The following UGT2A1 variants were observed in gnomAD, a reference collection of about 807,000 sequenced individuals.
UGT2A1 encodes the protein UDP glucuronosyltransferase family 2 member A1 complex locus, also known as UDP-glucuronosyltransferase 2A1.
In UGT2A1, 61 loss-of-function variants were observed where a neutral mutation model predicts 45.4. The observed-to-expected ratio is 1.34, with a 90% confidence interval of 1.09 to 1.66. UGT2A1 has a LOEUF of 1.66. Among genes scored for constraint, UGT2A1 ranks in the 40% most tolerant of loss-of-function variants. The probability of loss-of-function intolerance (pLI) is 0.00; values close to 1 mark genes in which losing one functional copy is unlikely to be tolerated. For synonymous variants in UGT2A1, 229 were observed against 196.2 expected (o/e 1.17, Z -1.40); for missense variants, 649 against 574.3 (o/e 1.13, Z -1.33).
chr4:69,651,580 A>G (rs1270093809), intron 1 of UGT2A1, among the ~76,000 whole-genome samples: 1 of 152,236 alleles, frequency 6.6e-6, no homozygotes, highest in Non-Finnish European at 1.5e-5. Flanking sequence ...TTAGATAGGC[A>G]TTAGGAATGT....
rs1480503273 is a variant in UGT2A1 at position 69,602,462 on chromosome 4, TTTATCTATCTATCTATCTA to T, written c.848-3087_848-3069del. Among the ~76,000 whole-genome samples the T allele has an allele frequency of 4.1e-5, 5 of 120,716 alleles. 1 individual carries two copies. Among genetic ancestry groups the T allele is most frequent in the African/African-American group, 1.1e-4 (3 of 27,706 alleles). 79.2% of individuals were successfully genotyped at this position (120,716 alleles called of 152,430 possible). ...TTTTAGAATAACAAAGATTTAGGAG[TTTATCTATCTATCTATCTA>T]TCTATCTATCTATCTATCTATCTAT... On this transcript the variant is annotated intron_variant, in intron 3 of 6. Coordinates refer to ENST00000286604, the MANE Select transcript of UGT2A1 (RefSeq NM_001252275.3).
In UGT2A1 at chr4:69,593,964, AGT is replaced by A. The variant is rs553760961; in HGVS notation, c.1304+511_1304+512del. Reference sequence around the variant, plus strand: ...TGAAAAATATTGAAATAATATTTGAAGTCTTTTTTTTTGTTTGTTTTTTTTTT... The same window carrying A: ...TGAAAAATATTGAAATAATATTTGAACTTTTTTTTTGTTTGTTTTTTTTTT... On this transcript the variant is annotated intron_variant, in intron 6 of 6. Coordinates refer to ENST00000286604, the MANE Select transcript of UGT2A1 (RefSeq NM_001252275.3). Among the ~76,000 whole-genome samples, 896 of 146,922 alleles carry A rather than the reference AGT, an allele frequency of 6.1e-3. 14 individuals are homozygous for A. Among genetic ancestry groups the A allele is most frequent in the African/African-American group, 0.02 (818 of 39,958 alleles).
chr4:69,626,645 A>G (rs1721075184), intron 3 of UGT2A1, among the ~76,000 whole-genome samples: 1 of 146,338 alleles, frequency 6.8e-6, no homozygotes, highest in Admixed American at 6.8e-5. Context: ...AAAGCAGAAG[A>G]TAAAAAATAA....
rs989159583 is a variant in UGT2A1, at chr4:69,589,447, T to C, written c.1509A>G (p.Ile503Met). Residue 503 changes from isoleucine to methionine, a missense_variant, in exon 7 of 7, where the codon ATA becomes ATG. By Grantham distance (10) the Ile-to-Met change is conservative. Coordinates refer to ENST00000286604, the MANE Select transcript of UGT2A1 (RefSeq NM_001252275.3). Reference sequence around the variant, plus strand: ...ACAAACAACATTGTATGACCAAAAATATAGCCGTTGTCACACAGACCAGCA... The same window carrying C: ...ACAAACAACATTGTATGACCAAAAACATAGCCGTTGTCACACAGACCAGCA... ...GFLLVCVTTA[I>M]FLVIQCCLFS... 6.2e-7 allele frequency: 1 copy of C among 1,613,986 alleles called. No individual in the cohort carries two copies. Among genetic ancestry groups the C allele is most frequent in the Non-Finnish European group, 8.5e-7 (1 of 1,180,026 alleles).
chr4:69,647,092 T>G lies in UGT2A1; in HGVS notation c.553A>C (p.Lys185Gln). 6.2e-7 allele frequency: 1 copy of G among 1,612,818 alleles called. No individual in the cohort carries two copies. Among genetic ancestry groups the G allele is most frequent in the East Asian group, 2.2e-5 (1 of 44,838 alleles). ...ACATAGGAAGGAGGGTATGGTACCT[T>G]CCCACAGTGCTTTTCCACTGTTGAG... ...PASTVEKHCG[K>Q]VPYPPSYVPA... is the part of the protein sequence containing the mutation. Residue 185 changes from lysine (K) to glutamine (Q), a missense_variant, in exon 2 of 7, where the codon AAG becomes CAG. Physicochemically the swap from Lys to Gln is moderately conservative, Grantham distance 53. Coordinates refer to ENST00000286604, the MANE Select transcript of UGT2A1 (RefSeq NM_001252275.3).
rs905458911 is a variant in UGT2A1 at position 69,630,320 on chromosome 4, C to T, written c.847+5371G>A. Among the ~76,000 whole-genome samples the T allele has an allele frequency of 2.6e-5, 4 of 152,010 alleles. No homozygotes were observed. The South Asian group carries it at 8.3e-4, about 32-fold the overall frequency. ...AGGGTCTTTAAGCCATTTCCTTCTT[C>T]CCAGATGTGCCATGCAGCGTCTTTA... On this transcript the variant is annotated intron_variant, in intron 3 of 6. Transcript: ENST00000286604.
intron 3 of UGT2A1, among the ~76,000 whole-genome samples, chr4:69,614,361 G>C (rs931899929): frequency 1.3e-5 from 2 of 152,042 alleles, no homozygotes; most frequent in South Asian, 4.1e-4. Flanking sequence ...TCATAGAATA[G>C]AGGAATCGAA....
intron 4 of UGT2A1, chr4:69,596,446 C>G (rs1270165188): frequency 2.1e-6 from 3 of 1,422,424 alleles, no homozygotes; most frequent in Non-Finnish European, 2.8e-6. Context: ...AGTTTACTTA[C>G]ACATTTAAGT....
chr4:69,628,982 G>C (rs1721240807), intron 3 of UGT2A1, among the ~76,000 whole-genome samples: 1 of 151,766 alleles, frequency 6.6e-6, no homozygotes. Flanking sequence ...TGATACCAAA[G>C]AGAAAGGGAG....
chr4:69,607,296 C>A (rs1296949565), intron 3 of UGT2A1, among the ~76,000 whole-genome samples: 1 of 150,978 alleles, frequency 6.6e-6, no homozygotes, highest in Non-Finnish European at 1.5e-5. Flanking sequence ...TTTGACAAAC[C>A]TGACAAAAAC....
At chr4:69,628,617 A>T (rs76526833) in intron 3 of UGT2A1, among the ~76,000 whole-genome samples, 6,634 of 151,264 alleles carry the variant, frequency 0.044, 170 homozygotes, top group Middle Eastern at 0.075. Flanking sequence ...AATTCTTAAA[A>T]CTTAGAAAAC....
At chr4:69,589,719 T>TGATAC in intron 6 of UGT2A1, 68 bp from the exon 7 acceptor site, 1 of 1,542,388 alleles carries the variant, frequency 6.5e-7, no homozygotes, top group Non-Finnish European at 8.7e-7. Context: ...GATAAATATG[T>TGATAC]GATACACTTT....
At chr4:69,642,912 T>C (rs1196031687) in intron 2 of UGT2A1, among the ~76,000 whole-genome samples, 1 of 151,594 alleles carries the variant, frequency 6.6e-6, no homozygotes, top group African/African-American at 2.4e-5. Context: ...AAATGTTACA[T>C]TTTTCTCCCC....
At chr4:69,642,087 G>A (rs972308537) in intron 2 of UGT2A1, among the ~76,000 whole-genome samples, 1 of 151,570 alleles carries the variant, frequency 6.6e-6, no homozygotes, top group Non-Finnish European at 1.5e-5. Flanking sequence ...TATTAACAAT[G>A]CACAGAGTAC....
chr4:69,596,436 A>G (rs753668491), intron 4 of UGT2A1: 1 of 1,425,330 alleles, frequency 7.0e-7, no homozygotes, highest in African/African-American at 1.5e-5. Flanking sequence ...AGAAAAAATA[A>G]GTTTACTTAC....
rs147678691 is a variant in UGT2A1 at position 69,624,954 on chromosome 4, C to G, written c.847+10737G>C. Among the ~76,000 whole-genome samples, 285 of 151,212 alleles carry G rather than the reference C, an allele frequency of 1.9e-3. 1 individual carries two copies. Among genetic ancestry groups the G allele is most frequent in the Middle Eastern group, 0.014 (4 of 292 alleles). On this transcript the variant is annotated intron_variant, in intron 3 of 6. Transcript: ENST00000286604. The stretch of plus-strand genomic sequence containing the variant: ...TTTTCTTCTGCCTTCAACATTTCTT[C>G]AAGAAGTGGTGGTCTATAGAAGATT...
At chr4:69,624,904 G>A (rs1044615575) in intron 3 of UGT2A1, among the ~76,000 whole-genome samples, 3 of 150,928 alleles carry the variant, frequency 2.0e-5, no homozygotes, top group Admixed American at 1.3e-4. Flanking sequence ...CATTCGTCTA[G>A]ATCGAAATTT....
chr4:69,642,263 T>C (rs1442709613), intron 2 of UGT2A1, among the ~76,000 whole-genome samples: 1 of 151,826 alleles, frequency 6.6e-6, no homozygotes, highest in East Asian at 1.9e-4. Flanking sequence ...TGTCCCAATG[T>C]CAATTACATC....
intron 3 of UGT2A1, among the ~76,000 whole-genome samples, chr4:69,609,634 T>C (rs549393476): frequency 2.6e-5 from 4 of 152,254 alleles, no homozygotes; most frequent in South Asian, 4.1e-4. Context: ...TAGTATAATG[T>C]CTCTGAGATG....
Sources: gnomAD v4.1 joint callset for allele counts (sites outside exome capture counted in the v4.1 genomes callset) on GRCh38, gnomAD v4.1.1 for gene constraint, MANE v1.5 for transcripts, NCBI Gene and HGNC (gene_info 2026-07-23, HGNC 2026-07-21) for gene names.